The following RTN4 variants were observed in gnomAD, a reference collection of about 807,000 sequenced individuals.
RTN4 encodes the protein reticulon-4.
RTN4 carries 32 observed loss-of-function variants against 90.4 expected under a neutral mutation model. The observed-to-expected ratio is 0.35, with a 90% confidence interval of 0.27 to 0.48. The LOEUF is 0.48. RTN4 is among the 20% of genes least tolerant of loss of function. RTN4 has a pLI of 0.99. For synonymous variants in RTN4, 629 were observed against 552.5 expected, an observed-to-expected ratio of 1.14 and a Z score of -1.94; for missense variants, 1,706 against 1,430.2, an observed-to-expected ratio of 1.19 and a Z score of -3.11.
At chr2:54,996,407 G>T (rs1054509037) in intron 3 of RTN4, among the ~76,000 whole-genome samples, 3 of 152,146 alleles carry the variant, frequency 2.0e-5, no homozygotes, top group Non-Finnish European at 4.4e-5. Context: ...AACAAAGGTT[G>T]GAGGACTCGA....
chr2:55,035,094 A>T (rs1286133040), intron 1 of RTN4, among the ~76,000 whole-genome samples: 8 of 152,228 alleles, frequency 5.3e-5, no homozygotes, highest in African/African-American at 1.9e-4. Flanking sequence ...CCCAAAAAGC[A>T]GATGGGACAA....
chr2:54,994,698 G>C (rs982787700), intron 3 of RTN4, among the ~76,000 whole-genome samples: 4 of 152,142 alleles, frequency 2.6e-5, no homozygotes, highest in African/African-American at 4.8e-5. Context: ...CTGGTCCTGG[G>C]GGTGCTATGC....
chr2:55,048,709 C>A (rs1363268626), intron 1 of RTN4, among the ~76,000 whole-genome samples: 2 of 152,106 alleles, frequency 1.3e-5, no homozygotes, highest in African/African-American at 4.8e-5. Context: ...TAAAACATAT[C>A]CTTCTGAAAA....
chr2:55,027,692 C>A (rs886408588), intron 2 of RTN4, among the ~76,000 whole-genome samples: 1 of 152,174 alleles, frequency 6.6e-6, no homozygotes, highest in Non-Finnish European at 1.5e-5. Context: ...TGCATGGCTA[C>A]AGAGGCAATT....
intron 2 of RTN4, among the ~76,000 whole-genome samples, chr2:55,066,193 T>TGTGTG (rs1668389176): frequency 9.0e-6 from 1 of 110,942 alleles, no homozygotes; most frequent in Non-Finnish European, 2.1e-5. Flanking sequence ...GTGTGTGTGT[T>TGTGTG]TGTGTGTGTG....
In RTN4 at chr2:54,973,134, C is replaced by G. The variant is rs1558746384; in HGVS notation, c.*22G>C. ...GAATATCCCCTTTAAAGATGAACTC[C>G]TACTAATTATTTTGGGCGTTTTCAT... On this transcript the variant is annotated 3_prime_UTR_variant, in exon 9 of 9. Coordinates refer to ENST00000337526, the MANE Select transcript of RTN4 (RefSeq NM_020532.5). The G allele has an allele frequency of 6.3e-7, 1 of 1,595,552 alleles. No individual in the cohort carries two copies. Among genetic ancestry groups the G allele is most frequent in the Admixed American group, 1.7e-5 (1 of 59,768 alleles).
chr2:55,019,741 GA>G (rs1412099341), intron 3 of RTN4, among the ~76,000 whole-genome samples: 1 of 152,104 alleles, frequency 6.6e-6, no homozygotes, highest in Non-Finnish European at 1.5e-5. Flanking sequence ...GAGCAAGAGA[GA>G]AATAAAGGAT....
intron 1 of RTN4, among the ~76,000 whole-genome samples, chr2:55,111,500 A>G (rs145316148): frequency 1.3e-5 from 2 of 152,232 alleles, no homozygotes; most frequent in African/African-American, 4.8e-5. Flanking sequence ...TCCTGTTCGC[A>G]TAAATCCACC....
At chr2:54,990,325 T>C (rs1678903188) in intron 3 of RTN4, among the ~76,000 whole-genome samples, 1 of 152,170 alleles carries the variant, frequency 6.6e-6, no homozygotes, top group Non-Finnish European at 1.5e-5. Context: ...CTTTAATAAG[T>C]TTGATTTAAT....
chr2:55,042,959 C>A (rs1218910913), intron 1 of RTN4, among the ~76,000 whole-genome samples: 1 of 152,030 alleles, frequency 6.6e-6, no homozygotes, highest in Admixed American at 6.6e-5. Flanking sequence ...TATGGAAACA[C>A]GTGATGAAAG....
chr2:55,026,936 T>A lies in RTN4; in HGVS notation c.1163A>T (p.Lys388Ile), dbSNP rs765688599. ...CACTTCCCATACTCGCTCAAATGGT[T>A]TGAAGTCTGCATATTCCTCCCTCAT... ...APMREEYADF[K>I]PFERVWEVKD... The change falls in exon 3 of 9, where the codon AAA becomes ATA. Residue 388 changes from lysine (K) to isoleucine (I), a missense_variant. Transcript: ENST00000337526. 6.2e-7 allele frequency: 1 copy of A among 1,613,664 alleles called. No individual in the cohort carries two copies. The highest frequency in any genetic ancestry group is 1.1e-5 in the South Asian group (1 of 91,080).
intron 2 of RTN4, among the ~76,000 whole-genome samples, chr2:55,072,879 T>A (rs1036122866): frequency 6.6e-6 from 1 of 152,224 alleles, no homozygotes; most frequent in Non-Finnish European, 1.5e-5. Flanking sequence ...ATATGCCATG[T>A]TTATTTCAAA....
chr2:55,023,090 T>A (rs527383375), intron 3 of RTN4, among the ~76,000 whole-genome samples: 5 of 152,288 alleles, frequency 3.3e-5, no homozygotes, highest in South Asian at 2.1e-4. Context: ...TACCTTTTTC[T>A]ATTCACATCC....
intron 8 of RTN4, 153 bp downstream of exon 8, chr2:54,973,410 A>G (rs1677304343): frequency 1.3e-6 from 1 of 777,352 alleles, no homozygotes; most frequent in Non-Finnish European, 2.1e-6. Context: ...CGAATGGTCC[A>G]AATGTTAGAA....
rs535917006 is a variant in RTN4, at chr2:55,042,504, C to G, written c.556+7241G>C. Among the ~76,000 whole-genome samples, 5 of 152,192 alleles carry G rather than the reference C, an allele frequency of 3.3e-5. No individual in the cohort carries two copies. In the East Asian group the frequency reaches 9.6e-4, roughly 29 times the overall value. On this transcript the variant is annotated intron_variant, in intron 1 of 8. Coordinates refer to ENST00000337526, the MANE Select transcript of RTN4 (RefSeq NM_020532.5). ...TATACATGTATAAATAAATATTTATCCACAGATTATCTCTAAACAGATACT... is the reference window on the plus strand; with the variant it reads ...TATACATGTATAAATAAATATTTATGCACAGATTATCTCTAAACAGATACT...
intron 1 of RTN4, among the ~76,000 whole-genome samples, chr2:55,046,593 T>C (rs1002125704): frequency 1.3e-5 from 2 of 152,222 alleles, no homozygotes; most frequent in East Asian, 3.8e-4. Flanking sequence ...AACACCACTA[T>C]TCTGGGTTCT....
At chr2:55,124,549 T>C in the RTN4 span, among the ~76,000 whole-genome samples, 1 of 152,140 alleles carries the variant, frequency 6.6e-6, no homozygotes, top group East Asian at 1.9e-4. Context: ...AAAACACTGT[T>C]CAAGGAAATC....
intron 2 of RTN4, 88 bp from the exon 3 acceptor site, chr2:55,027,573 G>C: frequency 7.4e-7 from 1 of 1,342,848 alleles, no homozygotes. Flanking sequence ...AATAGTGTTA[G>C]TAAAGACTTA....
upstream of RTN4, among the ~76,000 whole-genome samples, chr2:55,114,231 C>T (rs2920844): frequency 0.88 from 133,975 of 152,236 alleles, 58,993 homozygotes; most frequent in Non-Finnish European, 0.89. Flanking sequence ...ACTTGGTGCA[C>T]CATTTGCACC....
Sources: allele counts gnomAD v4.1 joint callset (sites outside exome capture counted in the v4.1 genomes callset), GRCh38; gene constraint gnomAD v4.1.1; transcripts MANE v1.5; gene names NCBI Gene and HGNC (gene_info 2026-07-23, HGNC 2026-07-21).